Variants in CUL7 observed in about 807,000 individuals in gnomAD.
The protein encoded by CUL7 is cullin-7.
CUL7 carries 96 observed loss-of-function variants against 177.7 expected under a neutral mutation model. That is an observed-to-expected ratio of 0.54 (90% CI 0.46 to 0.64). CUL7 has a LOEUF of 0.64. CUL7 is among the 30% of genes least tolerant of loss of function. The pLI, the probability that CUL7 is intolerant of heterozygous loss-of-function variation, is 0.00. For missense variants in CUL7, 1,893 were observed against 2,187.9 expected (o/e 0.87, Z 2.69); for synonymous variants, 824 against 890.2 (o/e 0.93, Z 1.32).
Position 43,052,043 on chromosome 6 carries a change from CA to C in CUL7, c.580+165del. 2 of 1,302,262 alleles carry C rather than the reference CA, an allele frequency of 1.5e-6. No individual in the cohort carries two copies. Among genetic ancestry groups the C allele is most frequent in the Non-Finnish European group, 2.1e-6 (2 of 952,658 alleles). The allele number at this position is 1,302,262 out of a possible 1,614,324, so 80.7% of individuals were successfully genotyped here. A position where few individuals can be genotyped will look rare whatever the true frequency, so the allele number is the denominator to read the frequency against. The stretch of plus-strand genomic sequence containing the variant: ...CTTTCCTCTTTTGGCAGATAACCCC[CA>C]CCCTCACTCCCATGCCCACCTCCTT... On this transcript the variant is annotated intron_variant, in intron 2 of 25. Transcript: ENST00000265348. This position sits in a 1 kb window ranked among gnomAD's most constrained non-coding sequence, Gnocchi z 4.5.
chr6:43,041,239 T>G, intron 19 of CUL7, 164 bp from the exon 20 acceptor site: 1 of 661,830 alleles, frequency 1.5e-6, no homozygotes, highest in East Asian at 2.7e-5. Context: ...ATTGTACAAA[T>G]TAGCAATATT....
In CUL7 at chr6:43,051,280, C is replaced by G; in HGVS notation, c.921G>C (p.Leu307=). 1.2e-6 allele frequency: 2 copies of G among 1,611,044 alleles called. No individual in the cohort carries two copies. The highest frequency in any genetic ancestry group is 1.7e-6 in the Non-Finnish European group (2 of 1,177,740). ...CCTGGTCCCAGCGCATGGCTTGCAC[C>G]AGCTCCGAGATCAGGGTGCCCATGG... The part of the protein sequence containing the change: ...SMAMGTLISE[L]VQAMRWDQAS... Residue 307 remains leucine (L), a synonymous_variant, in exon 4 of 26, where the codon CTG becomes CTC. Coordinates refer to ENST00000265348, the MANE Select transcript of CUL7 (RefSeq NM_014780.5). The surrounding 1 kb of genome is among the most constrained non-coding windows in gnomAD (Gnocchi z 5.0).
In CUL7 at chr6:43,043,644, TAAAC is replaced by T. The variant is rs753168326; in HGVS notation, c.3173-18_3173-15del. On this transcript the variant is annotated splice_polypyrimidine_tract_variant and intron_variant, in intron 16 of 25. Coordinates refer to ENST00000265348, the MANE Select transcript of CUL7 (RefSeq NM_014780.5). This position sits in a 1 kb window ranked among gnomAD's most constrained non-coding sequence, Gnocchi z 4.2. ...TGCCATCCTCATCTAGAGGGTGAGATAAACAAACCAAGGCACAGCCATGTCTGCA... is the reference window on the plus strand; with the variant it reads ...TGCCATCCTCATCTAGAGGGTGAGATAAACCAAGGCACAGCCATGTCTGCA... The T allele has an allele frequency of 6.4e-7, 1 of 1,572,902 alleles. No homozygotes were observed. The highest frequency in any genetic ancestry group is 8.7e-7 in the Non-Finnish European group (1 of 1,152,560).
rs1490203392 is a variant in CUL7 at position 43,045,973 on chromosome 6, C to A, written c.2766+13G>T. On this transcript the variant is annotated intron_variant, in intron 13 of 25. Coordinates refer to ENST00000265348, the MANE Select transcript of CUL7 (RefSeq NM_014780.5). This position sits in a 1 kb window ranked among gnomAD's most constrained non-coding sequence, Gnocchi z 4.8. Reference sequence around the variant, plus strand: ...GAGGGGTGGAGTAATGGCTAATGGCCCTGGGGTCCTACCGAGTTGAGTTCC... The same window carrying A: ...GAGGGGTGGAGTAATGGCTAATGGCACTGGGGTCCTACCGAGTTGAGTTCC... 6.2e-7 allele frequency: 1 copy of A among 1,603,022 alleles called. No homozygotes were observed.
At chr6:43,048,763 ATTC>A (rs1764142402) in intron 7 of CUL7, among the ~76,000 whole-genome samples, 194 bp from the exon 8 acceptor site, 1 of 150,660 alleles carries the variant, frequency 6.6e-6, no homozygotes, top group African/African-American at 2.4e-5. Flanking sequence ...CAAATTTTAT[ATTC>A]TTTTTTTTTT....
rs1764538203 is a variant in CUL7 at position 43,052,808 on chromosome 6, A to C, written c.-8-12T>G. 3 of 1,600,174 alleles carry C rather than the reference A, an allele frequency of 1.9e-6. No individual in the cohort carries two copies. The African/African-American group carries it at 4.0e-5, about 21-fold the overall frequency. On this transcript the variant is annotated splice_polypyrimidine_tract_variant and intron_variant, in intron 1 of 25. Transcript: ENST00000265348. This position sits in a 1 kb window ranked among gnomAD's most constrained non-coding sequence, Gnocchi z 4.5. ...CACCATCCTGGCACCTGGAGCACAC[A>C]AGGAAAAGAGAACAGACAAGCTAGA...
chr6:43,043,421 C>A lies in CUL7; in HGVS notation c.3355+27G>T, dbSNP rs760472416. ...CCCAGGAAAACGCTCCTGACTAGAG[C>A]TCCCCACCTGAATCTCCACTACTCA... On this transcript the variant is annotated intron_variant, in intron 17 of 25. Transcript: ENST00000265348. The surrounding 1 kb of genome is among the most constrained non-coding windows in gnomAD (Gnocchi z 4.2). 5.0e-6 allele frequency: 8 copies of A among 1,611,526 alleles called. No individual in the cohort carries two copies. Among genetic ancestry groups the A allele is most frequent in the Non-Finnish European group, 6.8e-6 (8 of 1,178,478 alleles).
chr6:43,048,490 G>A lies in CUL7; in HGVS notation c.1905C>T (p.Leu635=), dbSNP rs1581947083. ...AGCTGAGGGCTTGCTCTAGATCCAG[G>A]AGGATTTTCCCAGCTGGACCATAAC... The part of the protein sequence containing the change: ...VEGYGPAGKI[L]LDLEQALSSE... Residue 635 remains leucine, a synonymous_variant, in exon 8 of 26, where the codon CTC becomes CTT. Transcript: ENST00000265348. 4 of 1,614,018 alleles carry A rather than the reference G, an allele frequency of 2.5e-6. No individual in the cohort carries two copies. The South Asian group carries it at 3.3e-5, about 13-fold the overall frequency.
intron 25 of CUL7, 70 bp from the exon 26 acceptor site, chr6:43,038,081 TCCAA>T: frequency 6.5e-7 from 1 of 1,531,038 alleles, no homozygotes; most frequent in Non-Finnish European, 8.8e-7. Context: ...GAGCTTCCAC[TCCAA>T]CCACCAGCTG....
At chr6:43,038,742 G>A in intron 23 of CUL7, 50 bp from the exon 24 acceptor site, 1 of 1,613,290 alleles carries the variant, frequency 6.2e-7, no homozygotes, top group Non-Finnish European at 8.5e-7. Context: ...GGAGTGGAGA[G>A]AAGAGGATGG....
chr6:43,053,547 T>G lies in CUL7; in HGVS notation c.-9+75A>C. 7 of 1,026,842 alleles carry G rather than the reference T, an allele frequency of 6.8e-6. No individual in the cohort carries two copies. Among genetic ancestry groups the G allele is most frequent in the Non-Finnish European group, 7.8e-6 (6 of 770,340 alleles). The allele number at this position is 1,026,842 out of a possible 1,614,324, so 63.6% of individuals were successfully genotyped here. On this transcript the variant is annotated intron_variant, in intron 1 of 25. Coordinates refer to ENST00000265348, the MANE Select transcript of CUL7 (RefSeq NM_014780.5). The surrounding 1 kb of genome is among the most constrained non-coding windows in gnomAD (Gnocchi z 4.1). Reference sequence around the variant, plus strand: ...AGGCACGGTAGGATGGGGACCGAGGTTGGGTGAGCGCGAGGCTCGATGGGC... The same window carrying G: ...AGGCACGGTAGGATGGGGACCGAGGGTGGGTGAGCGCGAGGCTCGATGGGC...
rs1355395907 is a variant in CUL7 at position 43,052,009 on chromosome 6, GA to G, written c.580+199del. ...AGCAACTAATTAATATGAGGTTCTT[GA>G]AGATAGTCTTTCCTCTTTTGGCAGA... On this transcript the variant is annotated intron_variant, in intron 2 of 25. Coordinates refer to ENST00000265348, the MANE Select transcript of CUL7 (RefSeq NM_014780.5). This position sits in a 1 kb window ranked among gnomAD's most constrained non-coding sequence, Gnocchi z 4.5. 2.9e-6 allele frequency: 3 copies of G among 1,027,702 alleles called. No homozygotes were observed. The highest frequency in any genetic ancestry group is 4.2e-6 in the Non-Finnish European group (3 of 713,932). 63.7% of individuals were successfully genotyped at this position (1,027,702 alleles called of 1,614,324 possible). A position where few individuals can be genotyped will look rare whatever the true frequency, so the allele number is the denominator to read the frequency against.
In CUL7 at chr6:43,051,049, C is replaced by T; in HGVS notation, c.1152G>A (p.Arg384=). The change falls in exon 4 of 26, where the codon CGG becomes CGA. Residue 384 remains arginine (R), a synonymous_variant. Coordinates refer to ENST00000265348, the MANE Select transcript of CUL7 (RefSeq NM_014780.5). This position sits in a 1 kb window ranked among gnomAD's most constrained non-coding sequence, Gnocchi z 5.0. ...TGATCTCCTCATAATCATCCAGCAT[C>T]CGCACTCGCATCCCCGGCTGCAGTG... ...RDTLQPGMRV[R]MLDDYEEISA... 1.9e-6 allele frequency: 3 copies of T among 1,614,184 alleles called. No homozygotes were observed. The highest frequency in any genetic ancestry group is 2.7e-5 in the African/African-American group (2 of 75,054).
intron 6 of CUL7, 132 bp from the exon 7 acceptor site, chr6:43,049,794 TC>T: frequency 7.0e-7 from 1 of 1,425,200 alleles, no homozygotes; most frequent in Non-Finnish European, 9.8e-7. Context: ...GGCAGCTGGC[TC>T]CTCCCAAACA....
rs763767379 is a variant in CUL7, at chr6:43,045,187, T to C, written c.3038+40A>G. The C allele has an allele frequency of 4.3e-5, 68 of 1,599,222 alleles. 1 individual carries two copies. The highest frequency in any genetic ancestry group is 1.2e-4 in the Admixed American group (7 of 56,778). On this transcript the variant is annotated intron_variant, in intron 15 of 25. Transcript: ENST00000265348. The surrounding 1 kb of genome is among the most constrained non-coding windows in gnomAD (Gnocchi z 4.8). ...GCCAGCTATTTGCAATAGCCTTACCTTTCCCACAGACACAAGCATACACGC... is the reference window on the plus strand; with the variant it reads ...GCCAGCTATTTGCAATAGCCTTACCCTTCCCACAGACACAAGCATACACGC...
In CUL7 at chr6:43,049,680, C is replaced by T; in HGVS notation, c.1570-18G>A. 1.9e-6 allele frequency: 3 copies of T among 1,613,768 alleles called. No homozygotes were observed. Among genetic ancestry groups the T allele is most frequent in the Non-Finnish European group, 1.7e-6 (2 of 1,179,826 alleles). The stretch of plus-strand genomic sequence containing the variant: ...TCCAGAATCTGCCATCAAGGAGAAG[C>T]TCTCACTGCAGACAGCCCTGCCGAC... On this transcript the variant is annotated intron_variant, in intron 6 of 25. Coordinates refer to ENST00000265348, the MANE Select transcript of CUL7 (RefSeq NM_014780.5).
chr6:43,039,239 G>A (rs1056009860), intron 22 of CUL7, among the ~76,000 whole-genome samples: 3 of 152,162 alleles, frequency 2.0e-5, no homozygotes, highest in South Asian at 4.1e-4. Context: ...CAGTGCCTTC[G>A]AGGATTGCCC....
Position 43,045,734 on chromosome 6 carries a change from G to A in CUL7, c.2767-52C>T, listed in dbSNP as rs1161338083. The A allele has an allele frequency of 1.1e-5, 18 of 1,584,834 alleles. No individual in the cohort carries two copies. The highest frequency in any genetic ancestry group is 1.7e-5 in the Admixed American group (1 of 59,858). ...CCTCCACACATGCAGAGCCAAGTTG[G>A]CTCTAGGCTCCAGTCCCCTCACTGT... On this transcript the variant is annotated intron_variant, in intron 13 of 25. Coordinates refer to ENST00000265348, the MANE Select transcript of CUL7 (RefSeq NM_014780.5). The surrounding 1 kb of genome is among the most constrained non-coding windows in gnomAD (Gnocchi z 4.8).
chr6:43,052,116 T>A lies in CUL7; in HGVS notation c.580+93A>T, dbSNP rs1473749454. On this transcript the variant is annotated intron_variant, in intron 2 of 25. Transcript: ENST00000265348. This position sits in a 1 kb window ranked among gnomAD's most constrained non-coding sequence, Gnocchi z 4.5. Reference sequence around the variant, plus strand: ...GGCAACAGAATCATTTACGTACTGATGAGATCAGAGGCTCCTGCCACAGTG... The same window carrying A: ...GGCAACAGAATCATTTACGTACTGAAGAGATCAGAGGCTCCTGCCACAGTG... 6.4e-7 allele frequency: 1 copy of A among 1,561,562 alleles called. No homozygotes were observed. The highest frequency in any genetic ancestry group is 8.7e-7 in the Non-Finnish European group (1 of 1,150,952).
Sources: allele counts gnomAD v4.1 joint callset (sites outside exome capture counted in the v4.1 genomes callset), GRCh38; gene constraint gnomAD v4.1.1; non-coding constraint Gnocchi (gnomAD v3.1); transcripts MANE v1.5; gene names NCBI Gene and HGNC (gene_info 2026-07-23, HGNC 2026-07-21).